Variants in JADE2 observed in about 807,000 individuals in gnomAD.
The protein encoded by JADE2 is jade family PHD finger 2.
A neutral mutation model predicts 85.7 loss-of-function variants in JADE2; 13 were observed. That is an observed-to-expected ratio of 0.15 (90% CI 0.10 to 0.24). The LOEUF (loss-of-function observed/expected upper bound fraction) is 0.24, where lower values mean the gene tolerates loss of function less well. Ranked by LOEUF, JADE2 falls within the 10% of genes least tolerant of loss-of-function variation. The pLI, the probability that JADE2 is intolerant of heterozygous loss-of-function variation, is 1.00. For synonymous variants in JADE2, 440 were observed against 456.1 expected (o/e 0.96, Z 0.45); for missense variants, 846 against 1,115.9 (o/e 0.76, Z 3.45).
chr5:134,531,883 C>CTTT (rs1160758941), intron 1 of JADE2, among the ~76,000 whole-genome samples: 4 of 38,480 alleles, frequency 1.0e-4, no homozygotes, highest in Non-Finnish European at 1.4e-4. Flanking sequence ...CCGTGCCTGG[C>CTTT]TTTTTTTTTT....
intron 3 of JADE2, among the ~76,000 whole-genome samples, chr5:134,543,648 G>A (rs765586707): frequency 1.8e-4 from 28 of 152,272 alleles, no homozygotes; most frequent in Middle Eastern, 3.4e-3. Context: ...CTGCACTCCA[G>A]CCTGAGCTAC....
At chr5:134,570,201 T>C (rs754892228) in intron 9 of JADE2, among the ~76,000 whole-genome samples, 3 of 152,088 alleles carry the variant, frequency 2.0e-5, no homozygotes, top group Non-Finnish European at 4.4e-5. Context: ...CCCCACCTCA[T>C]ACCTGCTGCC....
At chr5:134,544,888 T>C (rs1271101424) in intron 3 of JADE2, among the ~76,000 whole-genome samples, 6 of 152,180 alleles carry the variant, frequency 3.9e-5, no homozygotes, top group Non-Finnish European at 1.5e-5. Context: ...GAATCCTCCT[T>C]CTACCCTGGG....
intron 4 of JADE2, among the ~76,000 whole-genome samples, chr5:134,552,861 T>C (rs1421051621): frequency 1.3e-5 from 2 of 151,678 alleles, no homozygotes; most frequent in Non-Finnish European, 2.9e-5. Context: ...TGTGTAGAGA[T>C]GGGGATTTGC....
At chr5:134,552,333 T>G in intron 4 of JADE2, 124 bp downstream of exon 4, 2 of 858,966 alleles carry the variant, frequency 2.3e-6, no homozygotes, top group Non-Finnish European at 3.5e-6. Context: ...CTGTATTCCA[T>G]TCCCTTTTCC....
chr5:134,561,085 G>A, intron 6 of JADE2, 128 bp downstream of exon 6: 1 of 777,054 alleles, frequency 1.3e-6, no homozygotes, highest in Non-Finnish European at 2.1e-6. Flanking sequence ...AGGGAATGGT[G>A]AGGATGCTTC....
intron 3 of JADE2, among the ~76,000 whole-genome samples, chr5:134,540,055 G>A: frequency 1.3e-5 from 2 of 152,162 alleles, no homozygotes; most frequent in Non-Finnish European, 2.9e-5. Context: ...GTGGAGGTGG[G>A]GGTGGGACAG....
At position 134,581,372 on chromosome 5, in the gene JADE2, G is replaced by C. The variant is rs559573847; in HGVS notation, c.*2055G>C. ...CCTTCCCCATGCTTTGGGTCACCTC[G>C]GGCTGCAACCCTGTCTGTGCCAGAT... is the stretch of plus-strand genomic sequence containing the variant. On this transcript the variant is annotated 3_prime_UTR_variant, in exon 12 of 12. Transcript: ENST00000681547. 1 of 152,692 alleles carries C rather than the reference G, an allele frequency of 6.5e-6. No homozygotes were observed. The highest frequency in any genetic ancestry group is 2.4e-5 in the African/African-American group (1 of 41,422). 9.5% of individuals were successfully genotyped at this position (152,692 alleles called of 1,614,324 possible).
chr5:134,552,348 A>C, intron 4 of JADE2, 139 bp downstream of exon 4: 1 of 836,792 alleles, frequency 1.2e-6, no homozygotes, highest in Non-Finnish European at 1.8e-6. Flanking sequence ...TTTTCCAACA[A>C]ACCATTGAAA....
intron 9 of JADE2, among the ~76,000 whole-genome samples, chr5:134,572,485 T>C (rs1581479596): frequency 1.3e-5 from 2 of 151,838 alleles, no homozygotes; most frequent in Non-Finnish European, 1.5e-5. Flanking sequence ...AGGCAGGGGG[T>C]CTGGAACCAG....
chr5:134,565,436 C>T (rs1319089030), intron 8 of JADE2, among the ~76,000 whole-genome samples: 1 of 152,168 alleles, frequency 6.6e-6, no homozygotes, highest in Non-Finnish European at 1.5e-5. Flanking sequence ...AAGTCCAGCC[C>T]CTCTTCCCAG....
At chr5:134,538,979 C>CCCGA (rs1002570040) in intron 3 of JADE2, among the ~76,000 whole-genome samples, 31 of 151,664 alleles carry the variant, frequency 2.0e-4, no homozygotes, top group African/African-American at 7.2e-4. Context: ...GCCTCAGCTT[C>CCCGA]CCGAGTAGCT....
At chr5:134,569,658 G>A (rs1479596221) in intron 9 of JADE2, among the ~76,000 whole-genome samples, 1 of 152,144 alleles carries the variant, frequency 6.6e-6, no homozygotes, top group East Asian at 1.9e-4. Flanking sequence ...CTGAGGAGGA[G>A]GCCAAGAGGG....
rs1377067148 is a variant in JADE2 at position 134,566,139 on chromosome 5, A to C, written c.993A>C (p.Thr331=). 1 of 1,613,658 alleles carries C rather than the reference A, an allele frequency of 6.2e-7. No individual in the cohort carries two copies. The highest frequency in any genetic ancestry group is 1.1e-5 in the South Asian group (1 of 91,060). ...AGTGTTCCATGCCTTCCTGCGTCAC[A>C]GCGTTCCATGTCACATGCGCCTTTG... ...CIQCSMPSCV[T]AFHVTCAFDH... The change falls in exon 9 of 12, where the codon ACA becomes ACC. Residue 331 remains threonine (T), a synonymous_variant. Coordinates refer to ENST00000681547, the MANE Select transcript of JADE2 (RefSeq NM_001388185.1). The surrounding 1 kb of genome is among the most constrained non-coding windows in gnomAD (Gnocchi z 6.7).
chr5:134,528,429 G>T (rs1353203959), intron 1 of JADE2, among the ~76,000 whole-genome samples: 1 of 152,148 alleles, frequency 6.6e-6, no homozygotes, highest in Non-Finnish European at 1.5e-5. Flanking sequence ...CTAACAAGCA[G>T]AGGAGGAAAA....
At chr5:134,545,391 GAA>G (rs1325305440) in intron 3 of JADE2, among the ~76,000 whole-genome samples, 1 of 151,126 alleles carries the variant, frequency 6.6e-6, no homozygotes, top group Non-Finnish European at 1.5e-5. Flanking sequence ...GAAAATAAAA[GAA>G]AGAGACGTTG....
At chr5:134,526,740 C>CG in intron 1 of JADE2, 1 of 985,342 alleles carries the variant, frequency 1.0e-6, no homozygotes, top group Non-Finnish European at 1.2e-6. Context: ...TTTGGAGGGG[C>CG]GGGGGACACC....
chr5:134,557,170 A>G (rs1013417816), intron 4 of JADE2, among the ~76,000 whole-genome samples: 1 of 151,972 alleles, frequency 6.6e-6, no homozygotes, highest in Non-Finnish European at 1.5e-5. Flanking sequence ...CCTCTCACCA[A>G]CCACATAAAG....
intron 1 of JADE2, among the ~76,000 whole-genome samples, chr5:134,528,033 C>T (rs1760981057): frequency 6.6e-6 from 1 of 152,228 alleles, no homozygotes; most frequent in African/African-American, 2.4e-5. Flanking sequence ...CAGAGCGGTT[C>T]CAAAGCGTCT....
Sources: allele counts gnomAD v4.1 joint callset (sites outside exome capture counted in the v4.1 genomes callset), GRCh38; gene constraint gnomAD v4.1.1; non-coding constraint Gnocchi (gnomAD v3.1); transcripts MANE v1.5; gene names NCBI Gene and HGNC (gene_info 2026-07-23, HGNC 2026-07-21).